Variants in ZSCAN25 observed in about 807,000 individuals in gnomAD.
ZSCAN25 encodes zinc finger and SCAN domain containing 25.
ZSCAN25 carries 27 observed loss-of-function variants against 38.7 expected under a neutral mutation model. The observed-to-expected ratio is 0.70, with a 90% CI of 0.51 to 0.96. ZSCAN25 has a LOEUF of 0.96. Among genes scored for constraint, ZSCAN25 ranks in the 40% least tolerant of loss-of-function variants. The probability of loss-of-function intolerance (pLI) is 0.00; values close to 1 mark genes in which losing one functional copy is unlikely to be tolerated. For synonymous variants in ZSCAN25, 273 were observed against 277.7 expected, an observed-to-expected ratio of 0.98 and a Z score of 0.17; for missense variants, 637 against 705.9, an observed-to-expected ratio of 0.90 and a Z score of 1.11.
At chr7:99,690,663 A>G in the ZSCAN25 span, among the ~76,000 whole-genome samples, 1 of 152,114 alleles carries the variant, frequency 6.6e-6, no homozygotes. Flanking sequence ...AAAAGAAGAC[A>G]TTTATGCACC....
the ZSCAN25 span, chr7:99,700,155 A>C: frequency 1.4e-6 from 1 of 690,380 alleles, no homozygotes. Flanking sequence ...CAAGCTGCTG[A>C]AATGTTTATG....
At chr7:99,709,423 A>G in the ZSCAN25 span, among the ~76,000 whole-genome samples, 1 of 152,174 alleles carries the variant, frequency 6.6e-6, no homozygotes, top group Admixed American at 6.5e-5. Context: ...ATGCCCTTTG[A>G]TGTGCTCAAT....
At chr7:99,699,342 G>A in the ZSCAN25 span, among the ~76,000 whole-genome samples, 18 of 151,842 alleles carry the variant, frequency 1.2e-4, no homozygotes, top group African/African-American at 4.4e-4. Flanking sequence ...GGAGGAGTGA[G>A]TCATAGGAGG....
chr7:99,693,674 C>T, the ZSCAN25 span, among the ~76,000 whole-genome samples: 3 of 152,228 alleles, frequency 2.0e-5, no homozygotes, highest in Non-Finnish European at 2.9e-5. Flanking sequence ...GACTGCTGCA[C>T]TAGCAGTGAG....
the ZSCAN25 span, among the ~76,000 whole-genome samples, chr7:99,714,374 T>G: frequency 6.6e-6 from 1 of 152,246 alleles, no homozygotes; most frequent in East Asian, 1.9e-4. Flanking sequence ...CATTCTCATA[T>G]CTCCTTCCTC....
chr7:99,672,903 C>A, the ZSCAN25 span: 1 of 1,349,418 alleles, frequency 7.4e-7, no homozygotes, highest in Non-Finnish European at 9.5e-7. Flanking sequence ...GTGGTCCAAA[C>A]AGGGAAGAGA....
chr7:99,734,634 T>G, the ZSCAN25 span, among the ~76,000 whole-genome samples: 1 of 151,502 alleles, frequency 6.6e-6, no homozygotes, highest in Non-Finnish European at 1.5e-5. Flanking sequence ...CTCTTTTTTT[T>G]TTTTTGAGAT....
the ZSCAN25 span, chr7:99,684,947 T>C: frequency 4.4e-6 from 2 of 450,944 alleles, no homozygotes; most frequent in African/African-American, 4.0e-5. Flanking sequence ...TCACTTCCTT[T>C]ATATTCCCAA....
At chr7:99,737,078 A>G in the ZSCAN25 span, among the ~76,000 whole-genome samples, 1 of 152,194 alleles carries the variant, frequency 6.6e-6, no homozygotes, top group Non-Finnish European at 1.5e-5. Flanking sequence ...GAGAAGTAGG[A>G]TAAAAGTCCA....
the ZSCAN25 span, chr7:99,708,916 C>T: frequency 2.0e-5 from 24 of 1,208,376 alleles, no homozygotes; most frequent in South Asian, 3.0e-4. Context: ...TTTGAAAAAA[C>T]CTTTTAAACA....
chr7:99,643,428 C>G, the ZSCAN25 span, among the ~76,000 whole-genome samples: 36 of 152,154 alleles, frequency 2.4e-4, no homozygotes, highest in East Asian at 5.8e-3. Flanking sequence ...TGCTGCCCCC[C>G]CTTTTTTTTT....
chr7:99,640,780 G>A, the ZSCAN25 span, among the ~76,000 whole-genome samples: 3 of 152,294 alleles, frequency 2.0e-5, no homozygotes, highest in Non-Finnish European at 2.9e-5. Flanking sequence ...CTATGAAGCC[G>A]GGAAAACAGG....
At chr7:99,707,204 G>T in the ZSCAN25 span, among the ~76,000 whole-genome samples, 1 of 152,238 alleles carries the variant, frequency 6.6e-6, no homozygotes, top group Non-Finnish European at 1.5e-5. Context: ...GGAAGGTGAG[G>T]TCAGTAAGGA....
chr7:99,691,679 G>C, the ZSCAN25 span, among the ~76,000 whole-genome samples: 2 of 151,888 alleles, frequency 1.3e-5, no homozygotes, highest in African/African-American at 4.8e-5. Context: ...GATCTTTGTT[G>C]GTTTAAAGTC....
chr7:99,722,356 G>A, the ZSCAN25 span: 4 of 1,613,246 alleles, frequency 2.5e-6, no homozygotes, highest in Non-Finnish European at 3.4e-6. Context: ...GCCCTGGGAG[G>A]AGAAACAAAA....
chr7:99,663,308 T>TG, the ZSCAN25 span: 1 of 994,528 alleles, frequency 1.0e-6, no homozygotes, highest in Non-Finnish European at 1.2e-6. Context: ...GCAGCTTTTT[T>TG]GGGGGAGCAT....
the ZSCAN25 span, among the ~76,000 whole-genome samples, chr7:99,669,522 T>C: frequency 6.6e-6 from 1 of 152,354 alleles, no homozygotes; most frequent in South Asian, 2.1e-4. Context: ...CTTGAGAAAC[T>C]GATATTTCTA....
chr7:99,704,727 GC>G, the ZSCAN25 span, among the ~76,000 whole-genome samples: 1 of 152,072 alleles, frequency 6.6e-6, no homozygotes, highest in East Asian at 1.9e-4. Flanking sequence ...ACTTTGGGAG[GC>G]CCAGGCAGGT....
At chr7:99,671,519 C>T in the ZSCAN25 span, 1 of 307,434 alleles carries the variant, frequency 3.3e-6, no homozygotes, top group Non-Finnish European at 6.0e-6. Context: ...GGTGTTGGAA[C>T]ATTTGGACAG....
Sources: allele counts gnomAD v4.1 joint callset (sites outside exome capture counted in the v4.1 genomes callset), GRCh38; gene constraint gnomAD v4.1.1; transcripts MANE v1.5; gene names NCBI Gene and HGNC (gene_info 2026-07-23, HGNC 2026-07-21).